EXD3: variants seen among roughly 807,000 people sequenced by gnomAD.
EXD3 encodes exonuclease mut-7 homolog.
A neutral mutation model predicts 98.0 loss-of-function variants in EXD3; 92 were observed. That is an observed-to-expected ratio of 0.94 (90% CI 0.79 to 1.12). The LOEUF (loss-of-function observed/expected upper bound fraction) is 1.12, where lower values mean the gene tolerates loss of function less well. EXD3 is among the 50% of genes most tolerant of loss of function. The probability of loss-of-function intolerance (pLI) is 0.00; values close to 1 mark genes in which losing one functional copy is unlikely to be tolerated. For synonymous variants in EXD3, 569 were observed against 526.0 expected (o/e 1.08, Z -1.12); for missense variants, 1,222 against 1,191.6 (o/e 1.03, Z -0.38).
intron 1 of EXD3, among the ~76,000 whole-genome samples, chr9:137,401,216 C>T (rs551266219): frequency 8.9e-5 from 13 of 145,350 alleles, no homozygotes; most frequent in South Asian, 2.2e-4. Flanking sequence ...TGCAGTGGCG[C>T]GATCTCAGCT....
At chr9:137,360,130 T>C (rs1834957201) in intron 7 of EXD3, among the ~76,000 whole-genome samples, 1 of 86,388 alleles carries the variant, frequency 1.2e-5, no homozygotes, top group African/African-American at 3.2e-5. Flanking sequence ...TGGCTTAATT[T>C]GCATTTCCCT....
rs940378339 is a variant in EXD3 at position 137,385,240 on chromosome 9, G to C, written c.56-1863C>G. Among the ~76,000 whole-genome samples, 1 of 152,206 alleles carries C rather than the reference G, an allele frequency of 6.6e-6. No homozygotes were observed. Among genetic ancestry groups the C allele is most frequent in the Non-Finnish European group, 1.5e-5 (1 of 68,040 alleles). On this transcript the variant is annotated intron_variant, in intron 2 of 21. Transcript: ENST00000340951. The surrounding 1 kb of genome is among the most constrained non-coding windows in gnomAD (Gnocchi z 4.4). ...CATCGTGCACAGTGTGCTGCATACA[G>C]AGGCTGAGAACACTCAAATGTCCAC...
At chr9:137,338,343 A>G (rs1833470630) in intron 17 of EXD3, among the ~76,000 whole-genome samples, 1 of 152,236 alleles carries the variant, frequency 6.6e-6, no homozygotes, top group Non-Finnish European at 1.5e-5. Context: ...AACTAAAAAC[A>G]ATGAAAACAC....
intron 17 of EXD3, among the ~76,000 whole-genome samples, chr9:137,328,268 A>T (rs77444543): frequency 0.36 from 755 of 2,118 alleles, 157 homozygotes; most frequent in Admixed American, 0.51. Context: ...ACAACAAATA[A>T]ACACCCACAT....
intron 17 of EXD3, among the ~76,000 whole-genome samples, chr9:137,332,550 G>A (rs983202238): frequency 7.6e-6 from 1 of 131,858 alleles, no homozygotes; most frequent in African/African-American, 2.9e-5. Flanking sequence ...TTGTTAAAGG[G>A]TACATGGTAT....
intron 3 of EXD3, among the ~76,000 whole-genome samples, chr9:137,376,150 C>T (rs1835887291): frequency 6.6e-6 from 1 of 151,812 alleles, no homozygotes; most frequent in Non-Finnish European, 1.5e-5. Flanking sequence ...AGAGACCAGC[C>T]TGGCTAACAC....
intron 14 of EXD3, among the ~76,000 whole-genome samples, chr9:137,350,746 G>A (rs1010382227): frequency 2.6e-5 from 4 of 152,056 alleles, no homozygotes; most frequent in Non-Finnish European, 4.4e-5. Context: ...GCTCCCTCCC[G>A]CAGCTCCTCC....
intron 5 of EXD3, among the ~76,000 whole-genome samples, chr9:137,370,361 G>A (rs1184457644): frequency 6.6e-6 from 1 of 152,160 alleles, no homozygotes; most frequent in Non-Finnish European, 1.5e-5. Context: ...CCAGAGCCAG[G>A]CCCAGGGAGC....
rs1040499347 is a variant in EXD3, at chr9:137,330,318, G to A, written c.1999-6175C>T. Among the ~76,000 whole-genome samples the A allele has an allele frequency of 1.0e-4, 14 of 138,790 alleles. 1 individual carries two copies. The highest frequency in any genetic ancestry group is 2.8e-4 in the African/African-American group (10 of 35,658). The allele number at this position is 138,790 out of a possible 152,430, so 91.1% of individuals were successfully genotyped here. A position where few individuals can be genotyped will look rare whatever the true frequency, so the allele number is the denominator to read the frequency against. On this transcript the variant is annotated intron_variant, in intron 17 of 21. Coordinates refer to ENST00000340951, the MANE Select transcript of EXD3 (RefSeq NM_017820.5). ...ACAGGAGCTACACAGGAACTACACCGGAGCTACACGGGACTACACAGGACT... is the reference window on the plus strand; with the variant it reads ...ACAGGAGCTACACAGGAACTACACCAGAGCTACACGGGACTACACAGGACT...
intron 17 of EXD3, among the ~76,000 whole-genome samples, chr9:137,340,537 C>CT (rs974531402): frequency 7.3e-5 from 11 of 150,622 alleles, no homozygotes; most frequent in South Asian, 2.1e-4. Context: ...ATCTTTTTTT[C>CT]TTTTTTTTAA....
chr9:137,416,219 G>C (rs896507340), intron 1 of EXD3, among the ~76,000 whole-genome samples: 4 of 152,314 alleles, frequency 2.6e-5, no homozygotes, highest in African/African-American at 9.6e-5. Flanking sequence ...GAATTCTGCG[G>C]TGGCTGGCTG....
At chr9:137,351,849 A>G (rs1834324211) in intron 12 of EXD3, among the ~76,000 whole-genome samples, 1 of 152,186 alleles carries the variant, frequency 6.6e-6, no homozygotes. Context: ...GGCACCTTCC[A>G]CAGGCTGGCA....
intron 1 of EXD3, among the ~76,000 whole-genome samples, chr9:137,414,124 A>G (rs1198109864): frequency 6.6e-6 from 1 of 151,942 alleles, no homozygotes; most frequent in Admixed American, 6.6e-5. Context: ...ACTGTGTGTT[A>G]GCCAGGATGG....
At chr9:137,308,472 G>A (rs1312790899) in intron 20 of EXD3, among the ~76,000 whole-genome samples, 1 of 151,952 alleles carries the variant, frequency 6.6e-6, no homozygotes, top group African/African-American at 2.4e-5. Flanking sequence ...CCTCGGGTGG[G>A]GTGTGTGCCG....
chr9:137,387,180 G>A lies in EXD3; in HGVS notation c.56-3803C>T, dbSNP rs537031971. ...GGCCCCCGCTCCCTGCCTGGCCCCC[G>A]GCCCCTGCCCTTCTGCCCCTGTCGC... On this transcript the variant is annotated intron_variant, in intron 2 of 21. Transcript: ENST00000340951. 8.2e-5 allele frequency among the ~76,000 whole-genome samples: 12 copies of A among 146,994 alleles called. No homozygotes were observed. In the South Asian group the frequency reaches 1.0e-3, roughly 13 times the overall value.
chr9:137,343,063 T>C (rs1246659458), intron 17 of EXD3: 1 of 152,328 alleles, frequency 6.6e-6, no homozygotes, highest in East Asian at 1.9e-4. Flanking sequence ...GAGGTTGCAG[T>C]GAGCTGAGAT....
rs1588413812 is a variant in EXD3 at position 137,393,059 on chromosome 9, G to C, written c.55+2244C>G. ...TAGTGTTCCAGGGGGTGCTGAGGCTGTTCCAGGGGGCACCGAGGCTGTTCT... is the reference window on the plus strand; with the variant it reads ...TAGTGTTCCAGGGGGTGCTGAGGCTCTTCCAGGGGGCACCGAGGCTGTTCT... On this transcript the variant is annotated intron_variant, in intron 2 of 21. Transcript: ENST00000340951. The surrounding 1 kb of genome is among the most constrained non-coding windows in gnomAD (Gnocchi z 4.6). 1.5e-6 allele frequency: 1 copy of C among 652,092 alleles called. No individual in the cohort carries two copies. The highest frequency in any genetic ancestry group is 1.9e-5 in the African/African-American group (1 of 52,612). The allele number at this position is 652,092 out of a possible 1,614,324, so 40.4% of individuals were successfully genotyped here. A position where few individuals can be genotyped will look rare whatever the true frequency, so the allele number is the denominator to read the frequency against.
chr9:137,392,023 CGG>C (rs1445958196), intron 2 of EXD3: 5 of 152,160 alleles, frequency 3.3e-5, no homozygotes, highest in African/African-American at 1.2e-4. Flanking sequence ...TTAGTAGAGA[CGG>C]GGTTTCACCA....
At position 137,349,557 on chromosome 9, in the gene EXD3, A is replaced by G; in HGVS notation, c.1495-26T>C. 6.5e-7 allele frequency: 1 copy of G among 1,539,150 alleles called. No homozygotes were observed. The highest frequency in any genetic ancestry group is 8.7e-7 in the Non-Finnish European group (1 of 1,143,472). On this transcript the variant is annotated intron_variant, in intron 14 of 21. Transcript: ENST00000340951. The surrounding 1 kb of genome is among the most constrained non-coding windows in gnomAD (Gnocchi z 7.4). The stretch of plus-strand genomic sequence containing the variant: ...CTGCTAAGACAGTGCCCTGCAGGGT[A>G]ACGCGTCTGGCCCTGGCGGCAGCAC...
Sources: gnomAD v4.1 joint callset for allele counts (sites outside exome capture counted in the v4.1 genomes callset) on GRCh38, gnomAD v4.1.1 for gene constraint, Gnocchi (gnomAD v3.1) non-coding constraint, MANE v1.5 for transcripts, NCBI Gene and HGNC (gene_info 2026-07-23, HGNC 2026-07-21) for gene names.